The following PTPRR variants were observed in gnomAD, a reference collection of about 807,000 sequenced individuals.
PTPRR encodes the protein receptor-type tyrosine-protein phosphatase R.
A neutral mutation model predicts 77.2 loss-of-function variants in PTPRR; 38 were observed. The ratio of observed to expected loss-of-function variants is 0.49; its 90% CI spans 0.38 to 0.65. The LOEUF (loss-of-function observed/expected upper bound fraction) is 0.65. Among genes scored for constraint, PTPRR ranks in the 30% least tolerant of loss-of-function variants. The pLI, the probability that PTPRR is intolerant of heterozygous loss-of-function variation, is 0.00. For missense variants in PTPRR, 744 were observed against 799.2 expected (o/e 0.93, Z 0.83); for synonymous variants, 299 against 283.1 (o/e 1.06, Z -0.57).
intron 2 of PTPRR, among the ~76,000 whole-genome samples, chr12:70,791,785 TAA>T (rs1891425663): frequency 6.6e-6 from 1 of 152,210 alleles, no homozygotes; most frequent in African/African-American, 2.4e-5. Context: ...CAAAAAAATG[TAA>T]AATAGTTGTG....
At chr12:70,902,649 A>G (rs1284238037) in intron 1 of PTPRR, among the ~76,000 whole-genome samples, 1 of 151,838 alleles carries the variant, frequency 6.6e-6, no homozygotes, top group Non-Finnish European at 1.5e-5. Flanking sequence ...AAAACCAAAC[A>G]TCGTATGTTC....
rs1353200678 is a variant in PTPRR at position 70,650,423 on chromosome 12, A to G, written c.1880+6281T>C. ...GCCTGGGTGACAAGAAAGAAATTCC[A>G]TCTCAAAAAAACAAACAAAACAAAA... is the stretch of plus-strand genomic sequence containing the variant. On this transcript the variant is annotated intron_variant, in intron 13 of 13. Transcript: ENST00000283228. Among the ~76,000 whole-genome samples the G allele has an allele frequency of 3.3e-5, 5 of 151,298 alleles. No homozygotes were observed. The East Asian group carries it at 9.7e-4, about 29-fold the overall frequency.
At chr12:70,813,923 A>G (rs1283413636) in intron 2 of PTPRR, among the ~76,000 whole-genome samples, 1 of 152,146 alleles carries the variant, frequency 6.6e-6, no homozygotes, top group Non-Finnish European at 1.5e-5. Context: ...GGGGAATAAA[A>G]CCAACCAGAA....
intron 6 of PTPRR, among the ~76,000 whole-genome samples, chr12:70,729,714 T>C (rs1271767499): frequency 1.3e-5 from 2 of 152,106 alleles, no homozygotes; most frequent in Non-Finnish European, 2.9e-5. Context: ...GGCACCTTAA[T>C]AGGCAATACA....
chr12:70,783,659 T>C (rs1314303078), intron 2 of PTPRR, among the ~76,000 whole-genome samples: 1 of 151,526 alleles, frequency 6.6e-6, no homozygotes, highest in Non-Finnish European at 1.5e-5. Flanking sequence ...TCTGCAGGAC[T>C]GGCGGCCCCG....
At chr12:70,748,149 C>T (rs760364083) in intron 5 of PTPRR, among the ~76,000 whole-genome samples, 17 of 152,186 alleles carry the variant, frequency 1.1e-4, no homozygotes, top group African/African-American at 2.6e-4. Context: ...AAAACCCTGA[C>T]GTAAGGGATC....
intron 10 of PTPRR, 49 bp downstream of exon 10, chr12:70,684,078 T>C (rs1482668418): frequency 6.3e-7 from 1 of 1,584,988 alleles, no homozygotes; most frequent in South Asian, 1.1e-5. Flanking sequence ...GTATCTCTTC[T>C]ATAGCAACAG....
intron 2 of PTPRR, among the ~76,000 whole-genome samples, chr12:70,813,183 A>G (rs1337696985): frequency 2.6e-5 from 4 of 152,210 alleles, no homozygotes; most frequent in African/African-American, 9.6e-5. Context: ...CATCTTGTAC[A>G]TGGACATTGG....
intron 2 of PTPRR, among the ~76,000 whole-genome samples, chr12:70,822,063 T>G (rs937564068): frequency 3.3e-5 from 5 of 152,246 alleles, no homozygotes; most frequent in Admixed American, 6.5e-5. Flanking sequence ...AGATCAACCT[T>G]AACATTCCAG....
intron 8 of PTPRR, among the ~76,000 whole-genome samples, chr12:70,685,164 T>C (rs749200732): frequency 6.6e-6 from 1 of 152,178 alleles, no homozygotes; most frequent in Non-Finnish European, 1.5e-5. Flanking sequence ...ACTCTACCAA[T>C]TATTTATATT....
chr12:70,920,519 A>G lies in PTPRR; in HGVS notation c.-129T>C, dbSNP rs1893840712. On this transcript the variant is annotated 5_prime_UTR_variant, in exon 1 of 14. Coordinates refer to ENST00000283228, the MANE Select transcript of PTPRR (RefSeq NM_002849.4). ...TCAGGTCCTCGGCTGGGGTTTGCAG[A>G]GCAGTCAGTCTGTGGCGCCGACAGA... is the stretch of plus-strand genomic sequence containing the variant. 1.2e-6 allele frequency: 1 copy of G among 840,000 alleles called. No individual in the cohort carries two copies. Among genetic ancestry groups the G allele is most frequent in the Non-Finnish European group, 1.9e-6 (1 of 525,158 alleles). The allele number at this position is 840,000 out of a possible 1,614,324, so 52.0% of individuals were successfully genotyped here.
intron 10 of PTPRR, chr12:70,673,080 A>G: frequency 9.0e-7 from 1 of 1,108,994 alleles, no homozygotes; most frequent in Non-Finnish European, 1.2e-6. Flanking sequence ...TATTTGACTT[A>G]TACAGCAGTT....
intron 6 of PTPRR, among the ~76,000 whole-genome samples, chr12:70,744,552 C>A (rs1026209726): frequency 6.6e-6 from 1 of 152,192 alleles, no homozygotes; most frequent in Non-Finnish European, 1.5e-5. Context: ...CTTGGCAATA[C>A]TTTCAAATAA....
intron 2 of PTPRR, among the ~76,000 whole-genome samples, chr12:70,807,411 G>A (rs1040768094): frequency 6.6e-6 from 1 of 152,120 alleles, no homozygotes; most frequent in Non-Finnish European, 1.5e-5. Context: ...TAGTCATCAT[G>A]TCATACAATA....
At chr12:70,705,871 C>T (rs547859209) in intron 6 of PTPRR, among the ~76,000 whole-genome samples, 7 of 152,062 alleles carry the variant, frequency 4.6e-5, no homozygotes, top group Admixed American at 3.3e-4. Flanking sequence ...ATCCTTTAGT[C>T]CAACTATTCA....
chr12:70,827,507 C>T (rs1403987297), intron 2 of PTPRR, among the ~76,000 whole-genome samples: 1 of 151,570 alleles, frequency 6.6e-6, no homozygotes, highest in Admixed American at 6.6e-5. Flanking sequence ...GGTAAGGGAG[C>T]TCTCCAGAAT....
intron 12 of PTPRR, among the ~76,000 whole-genome samples, chr12:70,657,659 G>A (rs536306416): frequency 6.6e-6 from 1 of 152,214 alleles, no homozygotes; most frequent in East Asian, 1.9e-4. Context: ...TCAGTTCAAT[G>A]TATCTAAATT....
At chr12:70,733,446 G>GAAAAAAAA (rs1889742097) in intron 6 of PTPRR, among the ~76,000 whole-genome samples, 2 of 74,860 alleles carry the variant, frequency 2.7e-5, no homozygotes, top group African/African-American at 1.6e-4. Flanking sequence ...AAAAAAAAAA[G>GAAAAAAAA]AAAGAAAAAA....
chr12:70,836,987 TTA>T (rs756930067), intron 2 of PTPRR, among the ~76,000 whole-genome samples: 2 of 152,050 alleles, frequency 1.3e-5, no homozygotes, highest in Non-Finnish European at 2.9e-5. Context: ...TAAAGAAAAA[TTA>T]TCTTATTTAA....
Sources: allele counts gnomAD v4.1 joint callset (sites outside exome capture counted in the v4.1 genomes callset), GRCh38; gene constraint gnomAD v4.1.1; transcripts MANE v1.5; gene names NCBI Gene and HGNC (gene_info 2026-07-23, HGNC 2026-07-21).